The following ADK variants were observed in gnomAD, a reference collection of about 807,000 sequenced individuals.
The protein encoded by ADK is N6,N6-dimethyladenosine kinase.
Under a neutral mutation model 44.7 loss-of-function variants are expected in ADK, and 24 were observed. That is an observed-to-expected ratio of 0.54 (90% CI 0.39 to 0.76). The LOEUF is 0.76. ADK is among the 30% of genes least tolerant of loss of function. The pLI is 0.00. For synonymous variants in ADK, 128 were observed against 142.6 expected (o/e 0.90, Z 0.73); for missense variants, 321 against 425.1 (o/e 0.76, Z 2.15).
intron 1 of ADK, among the ~76,000 whole-genome samples, chr10:74,152,656 C>T (rs1841637070): frequency 6.6e-6 from 1 of 152,138 alleles, no homozygotes; most frequent in African/African-American, 2.4e-5. Flanking sequence ...TCCATTTTCA[C>T]TGTGTTTTCC....
intron 9 of ADK, among the ~76,000 whole-genome samples, chr10:74,600,994 G>A (rs909503120): frequency 6.6e-6 from 1 of 151,688 alleles, no homozygotes; most frequent in East Asian, 1.9e-4. Flanking sequence ...GATTAATAGT[G>A]TTAATATGGA....
At chr10:74,537,809 A>G (rs1849504863) in intron 7 of ADK, among the ~76,000 whole-genome samples, 1 of 152,178 alleles carries the variant, frequency 6.6e-6, no homozygotes, top group Non-Finnish European at 1.5e-5. Flanking sequence ...CACCCATACC[A>G]TGCACTTTAA....
At position 74,257,203 on chromosome 10, in the gene ADK, T is replaced by C. The variant is rs1845856374; in HGVS notation, c.194+32612T>C. Among the ~76,000 whole-genome samples, 4 of 66,962 alleles carry C rather than the reference T, an allele frequency of 6.0e-5. No homozygotes were observed. In the South Asian group the frequency reaches 1.2e-3, roughly 20 times the overall value. The allele number at this position is 66,962 out of a possible 152,430, so 43.9% of individuals were successfully genotyped here. A position where few individuals can be genotyped will look rare whatever the true frequency, so the allele number is the denominator to read the frequency against. ...GTTCCAGGACCCAAGTCTACAAATA[T>C]GTTAAGTCCCACAGTGGGTGCTGTG... On this transcript the variant is annotated intron_variant, in intron 3 of 10. Coordinates refer to ENST00000539909, the MANE Select transcript of ADK (RefSeq NM_006721.4).
intron 9 of ADK, chr10:74,661,427 T>G (rs1854722616): frequency 4.4e-6 from 1 of 225,226 alleles, no homozygotes. Context: ...AGAGTCATCA[T>G]TTATAAAATA....
At chr10:74,198,179 C>T (rs1010495334) in intron 1 of ADK, among the ~76,000 whole-genome samples, 1 of 152,082 alleles carries the variant, frequency 6.6e-6, no homozygotes, top group African/African-American at 2.4e-5. Context: ...ATATATAAAT[C>T]AGGCAGAGTA....
chr10:74,480,552 T>C (rs923799643), intron 6 of ADK, among the ~76,000 whole-genome samples: 1 of 152,114 alleles, frequency 6.6e-6, no homozygotes, highest in Non-Finnish European at 1.5e-5. Context: ...GTTTTAGGAT[T>C]ATAGGCATGA....
In ADK at chr10:74,472,198, G is replaced by T. The variant is rs191736412; in HGVS notation, c.556-53058G>T. On this transcript the variant is annotated intron_variant, in intron 6 of 10. Transcript: ENST00000539909. ...AGTCTGGGTGATAGAGCAAGATCCCGTCGGTAAAAAAAAGTGGCAAGGGGG... is the reference window on the plus strand; with the variant it reads ...AGTCTGGGTGATAGAGCAAGATCCCTTCGGTAAAAAAAAGTGGCAAGGGGG... Among the ~76,000 whole-genome samples, 3 of 152,094 alleles carry T rather than the reference G, an allele frequency of 2.0e-5. No homozygotes were observed. In the East Asian group the frequency reaches 5.8e-4, roughly 29 times the overall value.
At chr10:74,544,970 A>C (rs1353018439) in intron 7 of ADK, among the ~76,000 whole-genome samples, 1 of 151,982 alleles carries the variant, frequency 6.6e-6, no homozygotes, top group Admixed American at 6.6e-5. Flanking sequence ...CTTCTCTTGA[A>C]TATCTCTCAC....
At chr10:74,369,136 C>T (rs1447207759) in intron 4 of ADK, among the ~76,000 whole-genome samples, 3 of 152,062 alleles carry the variant, frequency 2.0e-5, no homozygotes, top group Non-Finnish European at 4.4e-5. Context: ...GCAGGTGGAT[C>T]GCTCGAGTCT....
At chr10:74,541,792 A>AC (rs1172991136) in intron 7 of ADK, among the ~76,000 whole-genome samples, 2,102 of 28,748 alleles carry the variant, frequency 0.073, 13 homozygotes, top group Middle Eastern at 0.11. Context: ...GAACCCCCAC[A>AC]CACCCCCCCC....
chr10:74,651,173 TA>T (rs1361592752), intron 9 of ADK, among the ~76,000 whole-genome samples: 4 of 152,150 alleles, frequency 2.6e-5, no homozygotes, highest in Non-Finnish European at 4.4e-5. Context: ...TTCGGTATGG[TA>T]TTGGATAACA....
intron 10 of ADK, among the ~76,000 whole-genome samples, chr10:74,679,416 G>A (rs967528334): frequency 2.6e-5 from 4 of 152,076 alleles, no homozygotes; most frequent in Admixed American, 2.6e-4. Context: ...GGTAATAGTG[G>A]ATTTTTTAAA....
intron 6 of ADK, among the ~76,000 whole-genome samples, chr10:74,406,414 G>A (rs1425318090): frequency 6.6e-6 from 1 of 151,646 alleles, no homozygotes; most frequent in Non-Finnish European, 1.5e-5. Context: ...ATTTTGTGTG[G>A]TTGGGGTTTT....
chr10:74,473,805 T>C (rs1007558886), intron 6 of ADK, among the ~76,000 whole-genome samples: 1 of 152,120 alleles, frequency 6.6e-6, no homozygotes, highest in African/African-American at 2.4e-5. Context: ...TAGAAATGAA[T>C]CACTAAATCC....
At chr10:74,702,886 C>T (rs376603634) in intron 10 of ADK, among the ~76,000 whole-genome samples, 3 of 152,064 alleles carry the variant, frequency 2.0e-5, no homozygotes, top group Admixed American at 1.3e-4. Context: ...TGTGAGCCAC[C>T]GTGCCTGGCC....
At chr10:74,497,145 A>T (rs1847720699) in intron 6 of ADK, among the ~76,000 whole-genome samples, 1 of 152,138 alleles carries the variant, frequency 6.6e-6, no homozygotes, top group Non-Finnish European at 1.5e-5. Context: ...TCTTTACCCT[A>T]GTTAAATTAT....
intron 6 of ADK, among the ~76,000 whole-genome samples, chr10:74,477,218 C>A (rs1846884209): frequency 6.6e-6 from 1 of 151,982 alleles, no homozygotes; most frequent in Non-Finnish European, 1.5e-5. Flanking sequence ...AAAAAAAGGT[C>A]TTTTGAGACA....
At chr10:74,354,224 T>G (rs1842061855) in intron 4 of ADK, among the ~76,000 whole-genome samples, 1 of 152,216 alleles carries the variant, frequency 6.6e-6, no homozygotes, top group Non-Finnish European at 1.5e-5. Flanking sequence ...TGAGGCCAGA[T>G]AGCAATTTTT....
intron 8 of ADK, among the ~76,000 whole-genome samples, chr10:74,590,259 G>A (rs549173711): frequency 1.8e-4 from 27 of 152,224 alleles, no homozygotes; most frequent in African/African-American, 6.5e-4. Flanking sequence ...CCGAAATGTA[G>A]GAACTTTCTT....
Sources: gnomAD v4.1 joint callset for allele counts (sites outside exome capture counted in the v4.1 genomes callset) on GRCh38, gnomAD v4.1.1 for gene constraint, MANE v1.5 for transcripts, NCBI Gene and HGNC (gene_info 2026-07-23, HGNC 2026-07-21) for gene names.